Variants in DLGAP2 observed in about 807,000 individuals in gnomAD.
DLGAP2 encodes DLG associated protein 2, also known as disks large-associated protein 2.
In DLGAP2, 26 loss-of-function variants were observed where a neutral mutation model predicts 100.3. The observed-to-expected ratio is 0.26, with a 90% confidence interval of 0.19 to 0.36. The LOEUF (loss-of-function observed/expected upper bound fraction) is 0.36. Ranked by LOEUF, DLGAP2 falls within the 10% of genes least tolerant of loss-of-function variation. The pLI is 1.00. For missense variants in DLGAP2, 1,858 were observed against 1,453.2 expected (o/e 1.28, Z -4.53); for synonymous variants, 886 against 630.1 (o/e 1.41, Z -6.08).
chr8:846,174 A>G (rs1406802085), intron 1 of DLGAP2, among the ~76,000 whole-genome samples: 1 of 152,210 alleles, frequency 6.6e-6, no homozygotes, highest in Admixed American at 6.5e-5. Flanking sequence ...CTATTTTGAA[A>G]TAAATAATAC....
At chr8:768,237 G>A (rs1282763544) in intron 1 of DLGAP2, among the ~76,000 whole-genome samples, 1 of 152,116 alleles carries the variant, frequency 6.6e-6, no homozygotes, top group East Asian at 1.9e-4. Context: ...CAGGCATGTG[G>A]TAGCTGAGCC....
intron 3 of DLGAP2, among the ~76,000 whole-genome samples, chr8:1,284,464 G>A (rs950504226): frequency 5.9e-5 from 9 of 152,078 alleles, no homozygotes; most frequent in East Asian, 1.9e-4. Flanking sequence ...CAGCGCTAAC[G>A]TAAAGATGTG....
intron 2 of DLGAP2, among the ~76,000 whole-genome samples, chr8:995,066 C>G (rs566559680): frequency 2.3e-4 from 35 of 152,166 alleles, no homozygotes; most frequent in Non-Finnish European, 4.6e-4. Context: ...AGTCCATAAA[C>G]ATGTCTGTAA....
intron 3 of DLGAP2, among the ~76,000 whole-genome samples, chr8:1,309,044 T>A (rs1158985348): frequency 6.6e-6 from 1 of 152,062 alleles, no homozygotes; most frequent in Non-Finnish European, 1.5e-5. Flanking sequence ...ACAGATGACA[T>A]TGTGGAGCCT....
intron 2 of DLGAP2, among the ~76,000 whole-genome samples, chr8:1,226,045 G>T (rs545272307): frequency 1.3e-5 from 2 of 152,092 alleles, no homozygotes; most frequent in African/African-American, 4.8e-5. Context: ...ATATGGAAGA[G>T]GAATTGCTGA....
chr8:1,411,144 C>G (rs1241507808), intron 3 of DLGAP2, among the ~76,000 whole-genome samples: 2 of 152,146 alleles, frequency 1.3e-5, no homozygotes, highest in Admixed American at 6.5e-5. Flanking sequence ...CCAACATCTC[C>G]TAATTAAAAT....
At chr8:950,715 G>C (rs990512264) in intron 2 of DLGAP2, among the ~76,000 whole-genome samples, 1 of 149,978 alleles carries the variant, frequency 6.7e-6, no homozygotes, top group Admixed American at 6.7e-5. Context: ...TCCGCCTCTC[G>C]GGTTCAAGCA....
chr8:1,318,651 GC>G (rs1477197681), intron 3 of DLGAP2, among the ~76,000 whole-genome samples: 1 of 151,748 alleles, frequency 6.6e-6, no homozygotes, highest in African/African-American at 2.4e-5. Flanking sequence ...GGGATCTGTG[GC>G]TATAAGTTAA....
chr8:1,621,558 C>T (rs533557916), intron 6 of DLGAP2: 1 of 152,354 alleles, frequency 6.6e-6, no homozygotes, highest in Admixed American at 6.5e-5. Context: ...CCCCACCTGC[C>T]ACGGGCTCCA....
intron 2 of DLGAP2, among the ~76,000 whole-genome samples, chr8:1,200,173 C>T (rs1038428881): frequency 4.6e-5 from 7 of 152,180 alleles, no homozygotes; most frequent in African/African-American, 1.7e-4. Context: ...CCCTGGCCCC[C>T]GTGCTCTCCT....
chr8:1,614,577 G>A (rs974552711), intron 6 of DLGAP2, among the ~76,000 whole-genome samples: 1 of 152,176 alleles, frequency 6.6e-6, no homozygotes, highest in African/African-American at 2.4e-5. Context: ...CGAGCTCCGG[G>A]GACTCTGGGA....
chr8:1,474,565 A>G (rs759187797), intron 3 of DLGAP2, among the ~76,000 whole-genome samples: 5 of 152,228 alleles, frequency 3.3e-5, no homozygotes, highest in Admixed American at 3.3e-4. Context: ...GATTATGACC[A>G]ATGAGTAGGC....
chr8:1,227,703 T>C (rs1798450960), intron 2 of DLGAP2, among the ~76,000 whole-genome samples: 2 of 152,098 alleles, frequency 1.3e-5, no homozygotes, highest in East Asian at 1.9e-4. Flanking sequence ...ATGTCACTTA[T>C]ATGTGGAATT....
At chr8:1,596,372 CT>C (rs2130689608) in intron 6 of DLGAP2, among the ~76,000 whole-genome samples, 1 of 152,238 alleles carries the variant, frequency 6.6e-6, no homozygotes, top group Admixed American at 6.5e-5. Context: ...ATTTGTAATC[CT>C]TTGGGTATAT....
intron 2 of DLGAP2, among the ~76,000 whole-genome samples, chr8:1,189,658 G>A (rs1262241340): frequency 6.6e-6 from 1 of 152,232 alleles, no homozygotes; most frequent in Admixed American, 6.5e-5. Context: ...CTGGAAACGG[G>A]ATGGATCAAT....
chr8:1,243,214 C>A, intron 2 of DLGAP2, among the ~76,000 whole-genome samples: 1 of 152,326 alleles, frequency 6.6e-6, no homozygotes, highest in South Asian at 2.1e-4. Flanking sequence ...ACCCGCCTGG[C>A]CTTCAGAGAG....
At chr8:1,428,004 T>G (rs77171996) in intron 3 of DLGAP2, among the ~76,000 whole-genome samples, 2,314 of 152,172 alleles carry the variant, frequency 0.015, 58 homozygotes, top group African/African-American at 0.053. Flanking sequence ...ATTGCAACCT[T>G]AAAAGTTCAT....
intron 1 of DLGAP2, among the ~76,000 whole-genome samples, chr8:859,960 G>T (rs577423245): frequency 5.9e-5 from 9 of 152,238 alleles, no homozygotes; most frequent in Non-Finnish European, 1.0e-4. Flanking sequence ...GCTGTTGTTT[G>T]TTTGTTTGTT....
intron 1 of DLGAP2, among the ~76,000 whole-genome samples, chr8:846,528 C>T (rs778459281): frequency 6.6e-6 from 1 of 152,178 alleles, no homozygotes; most frequent in African/African-American, 2.4e-5. Flanking sequence ...TTTATCCATT[C>T]ATCTTTTGGC....
Sources: gnomAD v4.1 joint callset for allele counts (sites outside exome capture counted in the v4.1 genomes callset) on GRCh38, gnomAD v4.1.1 for gene constraint, MANE v1.5 for transcripts, NCBI Gene and HGNC (gene_info 2026-07-23, HGNC 2026-07-21) for gene names.